Variants in CYRIA observed in about 807,000 individuals in gnomAD.
The protein encoded by CYRIA is CYFIP related Rac1 interactor A.
Under a neutral mutation model 43.9 loss-of-function variants are expected in CYRIA, and 15 were observed. The ratio of observed to expected loss-of-function variants is 0.34; its 90% CI spans 0.23 to 0.53. The LOEUF is 0.53. CYRIA is among the 20% of genes least tolerant of loss of function. The probability of loss-of-function intolerance (pLI) is 0.94; values close to 1 mark genes in which losing one functional copy is unlikely to be tolerated. For synonymous variants in CYRIA, 117 were observed against 136.0 expected, an observed-to-expected ratio of 0.86 and a Z score of 0.97; for missense variants, 236 against 394.2, an observed-to-expected ratio of 0.60 and a Z score of 3.40.
Position 16,564,007 on chromosome 2 carries a change from C to T in CYRIA, c.280G>A (p.Glu94Lys), listed in dbSNP as rs371312049. 6.2e-6 allele frequency: 10 copies of T among 1,612,874 alleles called. No individual in the cohort carries two copies. The highest frequency in any genetic ancestry group is 6.8e-6 in the Non-Finnish European group (8 of 1,179,396). ...TACTCACCTAGTCTAATGGAAAACT[C>T]GTAAAATCTCTTTAGCCTCACAACA... ...PLVVRLKRFY[E>K]FSIRLEKALQ... The change falls in exon 5 of 12, where the codon GAG becomes AAG. Residue 94 changes from glutamate (E) to lysine (K), a missense_variant. Transcript: ENST00000381323.
chr2:16,554,161 T>G (rs937258444), intron 11 of CYRIA, among the ~76,000 whole-genome samples: 2 of 152,162 alleles, frequency 1.3e-5, no homozygotes, highest in African/African-American at 4.8e-5. Flanking sequence ...GTATAAAACA[T>G]GAGCATTGTA....
chr2:16,600,785 TCA>T (rs1249797335), intron 2 of CYRIA, among the ~76,000 whole-genome samples: 2 of 152,200 alleles, frequency 1.3e-5, no homozygotes, highest in African/African-American at 4.8e-5. Flanking sequence ...ACACTTTATC[TCA>T]TTCAAACCTT....
At chr2:16,561,563 A>G in intron 6 of CYRIA, 30 bp from the exon 7 acceptor site, 1 of 1,545,868 alleles carries the variant, frequency 6.5e-7, no homozygotes, top group African/African-American at 1.4e-5. Flanking sequence ...AGCGAAGGTC[A>G]TCTCTCAGTA....
chr2:16,561,288 TAAG>T lies in CYRIA; in HGVS notation c.514-14_514-12del, dbSNP rs1246614172. On this transcript the variant is annotated splice_polypyrimidine_tract_variant and intron_variant, in intron 7 of 11. Transcript: ENST00000381323. ...ATTCTCAATGTCTAGCTGATGAAAA[TAAG>T]AAGAGAAGATGGATTTATAAAGAGA... 6.3e-7 allele frequency: 1 copy of T among 1,587,274 alleles called. No homozygotes were observed. Among genetic ancestry groups the T allele is most frequent in the Admixed American group, 1.7e-5 (1 of 59,860 alleles).
Position 16,614,104 on chromosome 2 carries a change from A to G in CYRIA, c.-11+9760T>C, listed in dbSNP as rs781442970. Among the ~76,000 whole-genome samples the G allele has an allele frequency of 5.3e-5, 8 of 152,374 alleles. No individual in the cohort carries two copies. The East Asian group carries it at 7.7e-4, about 15-fold the overall frequency. On this transcript the variant is annotated intron_variant, in intron 2 of 11. Transcript: ENST00000381323. ...CACAAGCTTATCAGAATGAGTTTCT[A>G]TAACTCATTTAAACAAAACCCCCAC...
In CYRIA at chr2:16,550,291, C is replaced by G. The variant is rs1375159939; in HGVS notation, c.*2645G>C. 1 of 139,230 alleles carries G rather than the reference C, an allele frequency of 7.2e-6. No homozygotes were observed. The highest frequency in any genetic ancestry group is 1.5e-5 in the Non-Finnish European group (1 of 66,072). The allele number at this position is 139,230 out of a possible 1,614,324, so 8.6% of individuals were successfully genotyped here. A position where few individuals can be genotyped will look rare whatever the true frequency, so the allele number is the denominator to read the frequency against. On this transcript the variant is annotated 3_prime_UTR_variant, in exon 12 of 12. Coordinates refer to ENST00000381323, the MANE Select transcript of CYRIA (RefSeq NM_030797.4). ...CAGCACACACACACACACACAAAAACCAAAAACAAAGCCAAAAAAAAAAAA... is the reference window on the plus strand; with the variant it reads ...CAGCACACACACACACACACAAAAAGCAAAAACAAAGCCAAAAAAAAAAAA...
At chr2:16,556,593 T>A (rs1666533106) in intron 10 of CYRIA, among the ~76,000 whole-genome samples, 1 of 152,290 alleles carries the variant, frequency 6.6e-6, no homozygotes, top group South Asian at 2.1e-4. Context: ...TGGGGCCAGA[T>A]GCAGTGTGAA....
chr2:16,559,268 G>A (rs1666640876), intron 10 of CYRIA, among the ~76,000 whole-genome samples, 192 bp downstream of exon 10: 1 of 152,094 alleles, frequency 6.6e-6, no homozygotes, highest in African/African-American at 2.4e-5. Context: ...GTGCTTTTGA[G>A]GTTGAGTGTT....
At chr2:16,640,436 A>G (rs898883341) in intron 1 of CYRIA, among the ~76,000 whole-genome samples, 1 of 152,200 alleles carries the variant, frequency 6.6e-6, no homozygotes, top group African/African-American at 2.4e-5. Flanking sequence ...GGACTGGGAG[A>G]ACCACAAGGC....
At chr2:16,575,013 A>T (rs1007732195) in intron 3 of CYRIA, among the ~76,000 whole-genome samples, 4 of 152,140 alleles carry the variant, frequency 2.6e-5, no homozygotes, top group Non-Finnish European at 5.9e-5. Context: ...CCAGCCTGTG[A>T]AAGTAGCCAG....
At chr2:16,657,703 CTTT>C (rs762269490) in intron 1 of CYRIA, among the ~76,000 whole-genome samples, 18 of 152,184 alleles carry the variant, frequency 1.2e-4, no homozygotes, top group Non-Finnish European at 2.4e-4. Flanking sequence ...ACAAAACCTT[CTTT>C]GAGACTCTTT....
chr2:16,658,055 A>C (rs904033944), intron 1 of CYRIA, among the ~76,000 whole-genome samples: 3 of 152,244 alleles, frequency 2.0e-5, no homozygotes, highest in East Asian at 3.8e-4. Context: ...GAAAAAAAAT[A>C]CATGTTTAAA....
intron 2 of CYRIA, among the ~76,000 whole-genome samples, chr2:16,602,593 T>C (rs1668250199): frequency 6.6e-6 from 1 of 152,156 alleles, no homozygotes; most frequent in South Asian, 2.1e-4. Context: ...AGATGGGTCC[T>C]GGACTTCATA....
At chr2:16,575,003 C>T (rs890091861) in intron 3 of CYRIA, among the ~76,000 whole-genome samples, 115 of 152,264 alleles carry the variant, frequency 7.6e-4, no homozygotes, top group African/African-American at 2.6e-3. Flanking sequence ...ACACTCAACA[C>T]CAGCCTGTGA....
In CYRIA at chr2:16,593,584, T is replaced by C. The variant is rs575079909; in HGVS notation, c.-10-5455A>G. ...TACAAAAATTAAAACCCATTTTCAA[T>C]GCAAAATTCCCGAACATAAACAAAT... On this transcript the variant is annotated intron_variant, in intron 2 of 11. Transcript: ENST00000381323. Among the ~76,000 whole-genome samples, 411 of 152,248 alleles carry C rather than the reference T, an allele frequency of 2.7e-3. 3 individuals are homozygous for C. The highest frequency in any genetic ancestry group is 9.5e-3 in the African/African-American group (395 of 41,566).
At chr2:16,558,514 C>T (rs1666609725) in intron 10 of CYRIA, among the ~76,000 whole-genome samples, 1 of 152,112 alleles carries the variant, frequency 6.6e-6, no homozygotes, top group African/African-American at 2.4e-5. Context: ...CCAAGAGATG[C>T]TATTCTGCAC....
chr2:16,560,306 A>G (rs1666679841), intron 9 of CYRIA, among the ~76,000 whole-genome samples: 1 of 152,174 alleles, frequency 6.6e-6, no homozygotes, highest in African/African-American at 2.4e-5. Context: ...CTTACATTTG[A>G]ACAGGCTATC....
intron 2 of CYRIA, chr2:16,623,133 T>A (rs1438673936): frequency 6.6e-6 from 1 of 152,192 alleles, no homozygotes; most frequent in African/African-American, 2.4e-5. Flanking sequence ...TTCCTTACAC[T>A]GGGCCTGCGT....
In CYRIA at chr2:16,551,350, T is replaced by C. The variant is rs1488017519; in HGVS notation, c.*1586A>G. 6.6e-6 allele frequency: 1 copy of C among 152,196 alleles called. No homozygotes were observed. The highest frequency in any genetic ancestry group is 1.9e-4 in the East Asian group (1 of 5,182). 9.4% of individuals were successfully genotyped at this position (152,196 alleles called of 1,614,324 possible). On this transcript the variant is annotated 3_prime_UTR_variant, in exon 12 of 12. Transcript: ENST00000381323. ...ACTTCTAGGATTATCATTCACTAAATGCCTGGGTGACTCCTTCTAGTGGAA... is the reference window on the plus strand; with the variant it reads ...ACTTCTAGGATTATCATTCACTAAACGCCTGGGTGACTCCTTCTAGTGGAA...
Sources: allele counts gnomAD v4.1 joint callset (sites outside exome capture counted in the v4.1 genomes callset), GRCh38; gene constraint gnomAD v4.1.1; transcripts MANE v1.5; gene names NCBI Gene and HGNC (gene_info 2026-07-23, HGNC 2026-07-21).